Variants in DDR2 observed in about 807,000 individuals in gnomAD.
DDR2 encodes discoidin domain receptor tyrosine kinase 2, also known as discoidin domain-containing receptor 2.
DDR2 carries 27 observed loss-of-function variants against 94.9 expected under a neutral mutation model. That is an observed-to-expected ratio of 0.28 (90% CI 0.21 to 0.39). DDR2 has a LOEUF of 0.39. DDR2 is among the 10% of genes least tolerant of loss of function. The probability of loss-of-function intolerance (pLI) is 1.00; values close to 1 mark genes in which losing one functional copy is unlikely to be tolerated. For synonymous variants in DDR2, 382 were observed against 377.2 expected (o/e 1.01, Z -0.15); for missense variants, 783 against 1,076.0 (o/e 0.73, Z 3.81).
intron 1 of DDR2, among the ~76,000 whole-genome samples, chr1:162,646,519 G>A (rs988805090): frequency 1.3e-5 from 2 of 152,076 alleles, no homozygotes; most frequent in African/African-American, 4.8e-5. Flanking sequence ...ACCAAGAAAA[G>A]GTCAATCACA....
At chr1:162,689,914 G>A (rs73022583) in intron 2 of DDR2, among the ~76,000 whole-genome samples, 295 of 149,144 alleles carry the variant, frequency 2.0e-3, no homozygotes, top group African/African-American at 7.1e-3. Flanking sequence ...TGCTTGGGAG[G>A]CTGAGTTGGG....
rs972718566 is a variant in DDR2, at chr1:162,785,730, T to G, written c.*5484T>G. 19 of 152,330 alleles carry G rather than the reference T, an allele frequency of 1.2e-4. No homozygotes were observed. The highest frequency in any genetic ancestry group is 3.4e-3 in the Middle Eastern group (1 of 294). 9.4% of individuals were successfully genotyped at this position (152,330 alleles called of 1,614,324 possible). A position where few individuals can be genotyped will look rare whatever the true frequency, so the allele number is the denominator to read the frequency against. ...AGGGAGAATTGTTTTGCTTGTAACA[T>G]GGAGAGTTTATTTTCAAGTGAGGAA... On this transcript the variant is annotated 3_prime_UTR_variant, in exon 18 of 18. Coordinates refer to ENST00000367921, the MANE Select transcript of DDR2 (RefSeq NM_006182.4).
At chr1:162,726,721 A>T (rs900611116) in intron 3 of DDR2, among the ~76,000 whole-genome samples, 46 of 152,072 alleles carry the variant, frequency 3.0e-4, no homozygotes, top group African/African-American at 1.1e-3. Flanking sequence ...TGCAGAGCTC[A>T]GTTTTGCTCA....
At chr1:162,690,737 T>C (rs1349358724) in intron 2 of DDR2, among the ~76,000 whole-genome samples, 2 of 152,188 alleles carry the variant, frequency 1.3e-5, no homozygotes, top group Non-Finnish European at 2.9e-5. Flanking sequence ...TTAAAGCAAT[T>C]ATAATAGTGA....
chr1:162,752,809 A>G (rs183427332), intron 3 of DDR2, among the ~76,000 whole-genome samples: 1 of 152,278 alleles, frequency 6.6e-6, no homozygotes, highest in East Asian at 1.9e-4. Context: ...CCAAGTACAA[A>G]GCATAAATTG....
chr1:162,770,591 G>A (rs1664220106), intron 12 of DDR2, 79 bp downstream of exon 12: 1 of 1,335,374 alleles, frequency 7.5e-7, no homozygotes, highest in Non-Finnish European at 1.1e-6. Context: ...CCTGCTCCCA[G>A]TTCATTGCAT....
chr1:162,730,602 C>T (rs1242232173), intron 3 of DDR2, among the ~76,000 whole-genome samples: 1 of 152,162 alleles, frequency 6.6e-6, no homozygotes, highest in Admixed American at 6.5e-5. Context: ...CCTGGGCTTG[C>T]CCATAGGACA....
chr1:162,688,987 G>A (rs963201170), intron 2 of DDR2, among the ~76,000 whole-genome samples: 1 of 152,144 alleles, frequency 6.6e-6, no homozygotes, highest in African/African-American at 2.4e-5. Context: ...GATGTTCTGC[G>A]GGAAAATTGT....
chr1:162,754,918 A>G, intron 5 of DDR2, 63 bp downstream of exon 5: 1 of 1,593,384 alleles, frequency 6.3e-7, no homozygotes, highest in South Asian at 1.1e-5. Context: ...AGGCTAGGAG[A>G]AGAAGGGTAC....
At chr1:162,762,133 A>T (rs1663777214) in intron 9 of DDR2, among the ~76,000 whole-genome samples, 1 of 152,146 alleles carries the variant, frequency 6.6e-6, no homozygotes, top group Admixed American at 6.6e-5. Flanking sequence ...CAAAATAAGG[A>T]TCTGTTGGTG....
At chr1:162,714,476 G>A (rs539322571) in intron 2 of DDR2, among the ~76,000 whole-genome samples, 3 of 152,094 alleles carry the variant, frequency 2.0e-5, no homozygotes, top group Non-Finnish European at 2.9e-5. Flanking sequence ...GGCTACTAAA[G>A]CATCTGAAAC....
At chr1:162,759,124 T>G (rs1663597047) in intron 7 of DDR2, among the ~76,000 whole-genome samples, 1 of 152,186 alleles carries the variant, frequency 6.6e-6, no homozygotes, top group Admixed American at 6.5e-5. Flanking sequence ...TCCTTGCATC[T>G]TACTTCCTGG....
chr1:162,668,043 G>A (rs1049032970), intron 2 of DDR2, among the ~76,000 whole-genome samples: 13 of 152,224 alleles, frequency 8.5e-5, no homozygotes, highest in African/African-American at 2.4e-4. Context: ...AGAATTTAGA[G>A]GGATAAGGCC....
chr1:162,783,961 T>A lies in DDR2; in HGVS notation c.*3715T>A, dbSNP rs114380866. ...GCTTATGGTAGTTCATAAATCTTCA[T>A]GTTCTATTATCTTTCATCTGCCAAT... is the stretch of plus-strand genomic sequence containing the variant. On this transcript the variant is annotated 3_prime_UTR_variant, in exon 18 of 18. Transcript: ENST00000367921. 53 of 152,338 alleles carry A rather than the reference T, an allele frequency of 3.5e-4. No individual in the cohort carries two copies. Among genetic ancestry groups the A allele is most frequent in the African/African-American group, 1.2e-3 (49 of 41,572 alleles). 9.4% of individuals were successfully genotyped at this position (152,338 alleles called of 1,614,324 possible).
At chr1:162,695,367 G>A (rs1033658567) in intron 2 of DDR2, among the ~76,000 whole-genome samples, 1 of 152,186 alleles carries the variant, frequency 6.6e-6, no homozygotes, top group South Asian at 2.1e-4. Context: ...AAGTAGCTGG[G>A]ATTACAGGCA....
At chr1:162,764,563 A>G (rs1663905614) in intron 9 of DDR2, among the ~76,000 whole-genome samples, 1 of 152,158 alleles carries the variant, frequency 6.6e-6, no homozygotes, top group South Asian at 2.1e-4. Context: ...GAAGAGACTA[A>G]TTTAAAGATA....
chr1:162,656,598 C>T (rs140122845), intron 2 of DDR2, among the ~76,000 whole-genome samples: 1 of 151,466 alleles, frequency 6.6e-6, no homozygotes, highest in East Asian at 2.0e-4. Context: ...CCTTTCCTTC[C>T]TCTTTTCCTT....
chr1:162,681,675 G>A (rs1169810704), intron 2 of DDR2, among the ~76,000 whole-genome samples: 2 of 152,124 alleles, frequency 1.3e-5, no homozygotes, highest in African/African-American at 4.8e-5. Context: ...TGGCAGAAGG[G>A]GGAAGAGAAC....
intron 3 of DDR2, among the ~76,000 whole-genome samples, chr1:162,732,544 T>C (rs1277835192): frequency 2.0e-5 from 3 of 152,328 alleles, no homozygotes; most frequent in African/African-American, 7.2e-5. Flanking sequence ...GGTTCTGATA[T>C]TTAACACGGA....
Sources: gnomAD v4.1 joint callset for allele counts (sites outside exome capture counted in the v4.1 genomes callset) on GRCh38, gnomAD v4.1.1 for gene constraint, MANE v1.5 for transcripts, NCBI Gene and HGNC (gene_info 2026-07-23, HGNC 2026-07-21) for gene names.